Variants in DCAF16 observed in about 807,000 individuals in gnomAD.
The protein encoded by DCAF16 is DDB1 and CUL4 associated factor 16.
In DCAF16, 10 loss-of-function variants were observed where a neutral mutation model predicts 17.3. The ratio of observed to expected loss-of-function variants is 0.58; its 90% CI spans 0.36 to 0.98. DCAF16 has a LOEUF of 0.98. Ranked by LOEUF, DCAF16 falls within the 50% of genes least tolerant of loss-of-function variation. The pLI, the probability that DCAF16 is intolerant of heterozygous loss-of-function variation, is 0.01. For synonymous variants in DCAF16, 111 were observed against 92.8 expected, an observed-to-expected ratio of 1.20 and a Z score of -1.12; for missense variants, 249 against 247.6, an observed-to-expected ratio of 1.01 and a Z score of -0.04.
chr4:17,806,697 T>C (rs1720358188), intron 1 of DCAF16, among the ~76,000 whole-genome samples: 1 of 152,188 alleles, frequency 6.6e-6, no homozygotes, highest in Non-Finnish European at 1.5e-5. Context: ...TTAAAGTTTA[T>C]ATAGAAAGAA....
the DCAF16 span, among the ~76,000 whole-genome samples, chr4:17,795,068 T>C: frequency 3.3e-5 from 5 of 152,224 alleles, no homozygotes; most frequent in Admixed American, 1.3e-4. Flanking sequence ...AAAAGGTAGA[T>C]GGTGAGATAA....
downstream of DCAF16, among the ~76,000 whole-genome samples, chr4:17,800,245 T>A (rs1055662355): frequency 1.3e-5 from 2 of 151,734 alleles, no homozygotes; most frequent in Non-Finnish European, 2.9e-5. Flanking sequence ...CTTTGATAAA[T>A]ATTTCTATAA....
chr4:17,803,922 A>G lies in DCAF16; in HGVS notation c.220T>C (p.Trp74Arg). Residue 74 changes from tryptophan (W) to arginine (R), a missense_variant, in exon 3 of 3, where the codon TGG becomes CGG. By Grantham distance (101) the Trp-to-Arg change is moderately radical. Transcript: ENST00000382247. ...TTWKPLNPNSWLYHAKLLDPS... is the reference protein window; with the variant it reads ...TTWKPLNPNSRLYHAKLLDPS... Reference sequence around the variant, plus strand: ...TCCAACAGTTTAGCATGATACAACCAGGAATTAGGATTTAAAGGTTTCCAA... The same window carrying G: ...TCCAACAGTTTAGCATGATACAACCGGGAATTAGGATTTAAAGGTTTCCAA... 1 of 1,614,206 alleles carries G rather than the reference A, an allele frequency of 6.2e-7. No homozygotes were observed. The highest frequency in any genetic ancestry group is 8.5e-7 in the Non-Finnish European group (1 of 1,180,036).
chr4:17,809,012 G>C (rs1394217837), intron 1 of DCAF16, among the ~76,000 whole-genome samples: 1 of 152,298 alleles, frequency 6.6e-6, no homozygotes, highest in Admixed American at 6.5e-5. Context: ...CTGGGCGACA[G>C]AGCAAGACTC....
chr4:17,800,254 A>C (rs1222391167), downstream of DCAF16, among the ~76,000 whole-genome samples: 1 of 152,152 alleles, frequency 6.6e-6, no homozygotes, highest in African/African-American at 2.4e-5. Flanking sequence ...ATATTTCTAT[A>C]AATAGAGGAT....
At chr4:17,808,614 C>CA (rs76992214) in intron 1 of DCAF16, among the ~76,000 whole-genome samples, 194 of 145,424 alleles carry the variant, frequency 1.3e-3, no homozygotes, top group Middle Eastern at 7.1e-3. Flanking sequence ...CAAAACAAAA[C>CA]AAAAAAAAAA....
At position 17,804,629 on chromosome 4, in the gene DCAF16, G is replaced by C. The variant is rs75083892; in HGVS notation, c.-488C>G. 8,145 of 177,084 alleles carry C rather than the reference G, an allele frequency of 0.046. 752 individuals carry two copies. Among genetic ancestry groups the C allele is most frequent in the African/African-American group, 0.19 (7,723 of 41,544 alleles). The allele number at this position is 177,084 out of a possible 1,614,324, so 11.0% of individuals were successfully genotyped here. On this transcript the variant is annotated 5_prime_UTR_variant, in exon 3 of 3. Coordinates refer to ENST00000382247, the MANE Select transcript of DCAF16 (RefSeq NM_017741.4). Reference sequence around the variant, plus strand: ...CGCTGGTATAGCAACTTTTGTGCAGGGGGGAATGACGGGATGAGCTGTCAA... The same window carrying C: ...CGCTGGTATAGCAACTTTTGTGCAGCGGGGAATGACGGGATGAGCTGTCAA...
chr4:17,798,570 T>C (rs1044879836), downstream of DCAF16, among the ~76,000 whole-genome samples: 1 of 151,982 alleles, frequency 6.6e-6, no homozygotes, highest in Non-Finnish European at 1.5e-5. Flanking sequence ...CACTCCAGCC[T>C]AGGCAAGAGC....
rs191876701 is a variant in DCAF16 at position 17,804,018 on chromosome 4, T to G, written c.124A>C (p.Met42Leu). The part of the protein sequence containing the change: ...EWDSSEEEDS[M>L]VPNLSPLESL... ...TCAAGAGGCGATAAGTTGGGCACCA[T>G]AGAGTCCTCTTCTTCAGAGGAATCC... The change falls in exon 3 of 3, where the codon ATG becomes CTG. Residue 42 changes from methionine to leucine, a missense_variant. Physicochemically the swap from Met to Leu is conservative, Grantham distance 15. Transcript: ENST00000382247. 1 of 1,614,194 alleles carries G rather than the reference T, an allele frequency of 6.2e-7. No homozygotes were observed. Among genetic ancestry groups the G allele is most frequent in the Non-Finnish European group, 8.5e-7 (1 of 1,180,030 alleles).
chr4:17,796,347 A>ATTT, downstream of DCAF16, among the ~76,000 whole-genome samples: 1 of 151,946 alleles, frequency 6.6e-6, no homozygotes, highest in South Asian at 2.1e-4. Context: ...CCTATCGAGT[A>ATTT]TTTTTTGTTT....
chr4:17,809,978 T>C (rs1449536065), intron 1 of DCAF16, among the ~76,000 whole-genome samples: 1 of 152,194 alleles, frequency 6.6e-6, no homozygotes, highest in African/African-American at 2.4e-5. Context: ...GTATATTTCC[T>C]CTGTAGATGT....
In DCAF16 at chr4:17,803,195, T is replaced by A; in HGVS notation, c.*296A>T. The A allele has an allele frequency of 3.0e-6, 1 of 329,968 alleles. No homozygotes were observed. Among genetic ancestry groups the A allele is most frequent in the Non-Finnish European group, 5.7e-6 (1 of 175,412 alleles). The allele number at this position is 329,968 out of a possible 1,614,324, so 20.4% of individuals were successfully genotyped here. A position where few individuals can be genotyped will look rare whatever the true frequency, so the allele number is the denominator to read the frequency against. ...GTGCACTGCTGCGCCCGGCTAATTT[T>A]TTTATTTTTAGTAGAGACAGGGTTT... On this transcript the variant is annotated 3_prime_UTR_variant, in exon 3 of 3. Transcript: ENST00000382247.
rs769619376 is a variant in DCAF16, at chr4:17,801,580, A to G, written c.*1911T>C. The G allele has an allele frequency of 6.6e-6, 1 of 152,182 alleles. No individual in the cohort carries two copies. The highest frequency in any genetic ancestry group is 1.5e-5 in the Non-Finnish European group (1 of 68,032). 9.4% of individuals were successfully genotyped at this position (152,182 alleles called of 1,614,324 possible). ...GATGCCCAGTCAACCAGGACCACAC[A>G]CAGATTTCATTTTATTTGTAGAGTA... On this transcript the variant is annotated 3_prime_UTR_variant, in exon 3 of 3. Coordinates refer to ENST00000382247, the MANE Select transcript of DCAF16 (RefSeq NM_017741.4).
intron 1 of DCAF16, among the ~76,000 whole-genome samples, chr4:17,806,536 A>G (rs1280131778): frequency 6.6e-6 from 1 of 152,222 alleles, no homozygotes; most frequent in African/African-American, 2.4e-5. Context: ...CTAATCATGA[A>G]TATGTAAGAC....
rs1553847564 is a variant in DCAF16 at position 17,805,111 on chromosome 4, A to C, written c.-635T>G. 1 of 142,194 alleles carries C rather than the reference A, an allele frequency of 7.0e-6. No individual in the cohort carries two copies. The highest frequency in any genetic ancestry group is 2.2e-4 in the South Asian group (1 of 4,522). The allele number at this position is 142,194 out of a possible 1,614,324, so 8.8% of individuals were successfully genotyped here. On this transcript the variant is annotated 5_prime_UTR_variant, in exon 2 of 3. Transcript: ENST00000382247. ...TTTTTTTTTTTTTTTTTTTACCTTC[A>C]GAGGTGCTTGTTGGAATTAGTTTTA...
At chr4:17,794,297 AT>A in the DCAF16 span, among the ~76,000 whole-genome samples, 3 of 152,176 alleles carry the variant, frequency 2.0e-5, no homozygotes, top group Non-Finnish European at 4.4e-5. Context: ...AAATTCATTC[AT>A]GTTTCATATA....
the DCAF16 span, among the ~76,000 whole-genome samples, chr4:17,794,096 T>G: frequency 1.3e-5 from 2 of 152,176 alleles, no homozygotes; most frequent in African/African-American, 4.8e-5. Context: ...CATATCTTGA[T>G]AGCAAAAATA....
chr4:17,798,173 C>A (rs1719512982), downstream of DCAF16, among the ~76,000 whole-genome samples: 1 of 152,108 alleles, frequency 6.6e-6, no homozygotes, highest in South Asian at 2.1e-4. Flanking sequence ...GTGTCAGAAT[C>A]TTCCTAAATA....
At chr4:17,799,447 G>A (rs1448464001), downstream of DCAF16, among the ~76,000 whole-genome samples, 1 of 152,196 alleles carries the variant, frequency 6.6e-6, no homozygotes. Context: ...CTGCACTAGA[G>A]TAGGCACTTC....
Sources: gnomAD v4.1 joint callset for allele counts (sites outside exome capture counted in the v4.1 genomes callset) on GRCh38, gnomAD v4.1.1 for gene constraint, MANE v1.5 for transcripts, NCBI Gene and HGNC (gene_info 2026-07-23, HGNC 2026-07-21) for gene names.